TMEM269: variants seen among roughly 807,000 people sequenced by gnomAD.
TMEM269 encodes the protein transmembrane protein 269.
TMEM269 carries 12 observed loss-of-function variants against 15.8 expected under a neutral mutation model. That is an observed-to-expected ratio of 0.76 (90% CI 0.49 to 1.23). The LOEUF is 1.23. Among genes scored for constraint, TMEM269 ranks in the 50% most tolerant of loss-of-function variants. The pLI, the probability that TMEM269 is intolerant of heterozygous loss-of-function variation, is 0.00. For synonymous variants in TMEM269, 93 were observed against 99.3 expected, an observed-to-expected ratio of 0.94 and a Z score of 0.38; for missense variants, 211 against 245.4, an observed-to-expected ratio of 0.86 and a Z score of 0.94.
intron 5 of TMEM269, among the ~76,000 whole-genome samples, chr1:42,794,931 G>A (rs577815204): frequency 1.3e-5 from 2 of 152,246 alleles, no homozygotes; most frequent in East Asian, 3.9e-4. Flanking sequence ...CGTGTGCCAG[G>A]TACTGGAAAT....
intron 5 of TMEM269, among the ~76,000 whole-genome samples, chr1:42,794,899 T>C (rs941429104): frequency 2.0e-5 from 3 of 152,142 alleles, no homozygotes; most frequent in Admixed American, 6.5e-5. Context: ...ATAAGTTCAA[T>C]AGAGATTTAG....
rs1653760032 is a variant in TMEM269, at chr1:42,794,584, AG to A, written c.456del (p.Asn153ThrfsTer8). 11 of 1,550,796 alleles carry A rather than the reference AG, an allele frequency of 7.1e-6. No homozygotes were observed. The highest frequency in any genetic ancestry group is 1.4e-5 in the African/African-American group (1 of 73,040). On this transcript the variant is annotated frameshift_variant, in exon 5 of 6. Transcript: ENST00000637012. LOFTEE classifies it high-confidence loss of function. ...YYPYDKILES[E>X]NWKKLVYIGG... ...CCATATGACAAAATCCTGGAGTCTG[AG>A]AACTGGAAAAAATTGGTTTATATAG...
intron 5 of TMEM269, among the ~76,000 whole-genome samples, chr1:42,796,009 C>T (rs1570507382): frequency 6.6e-6 from 1 of 152,152 alleles, no homozygotes; most frequent in Non-Finnish European, 1.5e-5. Context: ...AGACCTGAGC[C>T]CAAGCTCTAA....
At chr1:42,785,305 G>A (rs1183866507) in intron 1 of TMEM269, among the ~76,000 whole-genome samples, 3 of 152,196 alleles carry the variant, frequency 2.0e-5, no homozygotes, top group Non-Finnish European at 4.4e-5. Context: ...GGGAGGGGAG[G>A]GGGTCTGTAA....
At chr1:42,790,600 T>C (rs1653667275) in intron 2 of TMEM269, among the ~76,000 whole-genome samples, 1 of 150,880 alleles carries the variant, frequency 6.6e-6, no homozygotes, top group African/African-American at 2.4e-5. Context: ...AAGAAACTTT[T>C]TTTTTTTTTT....
chr1:42,789,935 G>A lies in TMEM269; in HGVS notation c.41+1G>A. Reference sequence around the variant, plus strand: ...TCTCCATCATCTTCAGCTTCAGCAGGTAGGTCTGGGGCCCAGCAAGCTCTT... The same window carrying A: ...TCTCCATCATCTTCAGCTTCAGCAGATAGGTCTGGGGCCCAGCAAGCTCTT... On this transcript the variant is annotated splice_donor_variant, in intron 2 of 5. Transcript: ENST00000637012. LOFTEE classifies it high-confidence loss of function. The A allele has an allele frequency of 6.5e-7, 1 of 1,549,532 alleles. No individual in the cohort carries two copies. The highest frequency in any genetic ancestry group is 1.2e-5 in the South Asian group (1 of 84,034).
chr1:42,794,238 T>A (rs1351573133), intron 4 of TMEM269, among the ~76,000 whole-genome samples, 175 bp from the exon 5 acceptor site: 5 of 152,148 alleles, frequency 3.3e-5, no homozygotes, highest in Non-Finnish European at 7.4e-5. Flanking sequence ...GGAAAACCAA[T>A]GTAAAACCCA....
rs1653510979 is a variant in TMEM269 at position 42,785,008 on chromosome 1, C to G, written c.-173C>G. 6.6e-6 allele frequency: 1 copy of G among 152,594 alleles called. No homozygotes were observed. Among genetic ancestry groups the G allele is most frequent in the South Asian group, 2.1e-4 (1 of 4,844 alleles). The allele number at this position is 152,594 out of a possible 1,614,324, so 9.5% of individuals were successfully genotyped here. ...TCCTCGCTAGGGCTGGCCCCCTCCACCGCACAGGAAACGGGGCAGGAGGGC... is the reference window on the plus strand; with the variant it reads ...TCCTCGCTAGGGCTGGCCCCCTCCAGCGCACAGGAAACGGGGCAGGAGGGC... On this transcript the variant is annotated 5_prime_UTR_variant, in exon 1 of 6. Transcript: ENST00000637012.
chr1:42,798,743 T>TG lies in TMEM269; in HGVS notation c.*518_*519insG, dbSNP rs967801525. ...CTTCAACATTCTGGGTTTTTTTTTT[T>TG]TTTTTTTTTTTTTTTTTGAGAAGGA... On this transcript the variant is annotated 3_prime_UTR_variant, in exon 6 of 6. Coordinates refer to ENST00000637012, the MANE Select transcript of TMEM269 (RefSeq NM_001354602.2). 1 of 134,956 alleles carries TG rather than the reference T, an allele frequency of 7.4e-6. No homozygotes were observed. The highest frequency in any genetic ancestry group is 1.6e-5 in the Non-Finnish European group (1 of 62,622). 8.4% of individuals were successfully genotyped at this position (134,956 alleles called of 1,614,324 possible).
Position 42,798,437 on chromosome 1 carries a change from T to A in TMEM269, c.*212T>A, listed in dbSNP as rs1653826323. The A allele has an allele frequency of 1.7e-6, 1 of 594,958 alleles. No homozygotes were observed. Among genetic ancestry groups the A allele is most frequent in the South Asian group, 2.2e-5 (1 of 46,024 alleles). 36.9% of individuals were successfully genotyped at this position (594,958 alleles called of 1,614,324 possible). A position where few individuals can be genotyped will look rare whatever the true frequency, so the allele number is the denominator to read the frequency against. On this transcript the variant is annotated 3_prime_UTR_variant, in exon 6 of 6. Coordinates refer to ENST00000637012, the MANE Select transcript of TMEM269 (RefSeq NM_001354602.2). ...AGGGTTCTGACTCCCTTGCGGACAA[T>A]ACTTGTTTATGTCATGTAGAGCAGA...
At chr1:42,787,606 C>CAA (rs56184198) in intron 1 of TMEM269, among the ~76,000 whole-genome samples, 39 of 57,542 alleles carry the variant, frequency 6.8e-4, no homozygotes, top group African/African-American at 1.1e-3. Flanking sequence ...GACTCCGTCT[C>CAA]AAAAAAAAAA....
intron 5 of TMEM269, among the ~76,000 whole-genome samples, chr1:42,794,856 C>T (rs937745508): frequency 2.2e-4 from 33 of 152,228 alleles, no homozygotes; most frequent in Middle Eastern, 3.4e-3. Flanking sequence ...TCAGTCACAT[C>T]GTAGGTGCTC....
chr1:42,790,596 CTTTT>C (rs34731755), intron 2 of TMEM269, among the ~76,000 whole-genome samples: 1 of 136,950 alleles, frequency 7.3e-6, no homozygotes. Flanking sequence ...TTTTAAGAAA[CTTTT>C]TTTTTTTTTT....
At chr1:42,789,559 T>C in intron 1 of TMEM269, 1 of 1,464,120 alleles carries the variant, frequency 6.8e-7, no homozygotes, top group Non-Finnish European at 9.2e-7. Context: ...GAAACTATGC[T>C]TGTGTTGGTT....
chr1:42,792,250 G>A (rs1390303132), intron 2 of TMEM269, among the ~76,000 whole-genome samples: 3 of 152,100 alleles, frequency 2.0e-5, no homozygotes, highest in Admixed American at 1.3e-4. Flanking sequence ...ACAACTCTAC[G>A]CCCACAAATT....
chr1:42,793,447 G>A (rs748242114), intron 3 of TMEM269, among the ~76,000 whole-genome samples, 154 bp from the exon 4 acceptor site: 6 of 152,164 alleles, frequency 3.9e-5, no homozygotes, highest in Non-Finnish European at 7.3e-5. Flanking sequence ...AGGAGATCCC[G>A]AGCTTTGATC....
intron 1 of TMEM269, among the ~76,000 whole-genome samples, chr1:42,785,939 T>C (rs1045367969): frequency 1.3e-5 from 2 of 152,216 alleles, no homozygotes; most frequent in Admixed American, 1.3e-4. Context: ...TACCAGACTC[T>C]GAGCTGCTGG....
At position 42,789,206 on chromosome 1, in the gene TMEM269, A is replaced by G. The variant is rs1182709750; in HGVS notation, c.-98-590A>G. On this transcript the variant is annotated intron_variant, in intron 1 of 5. Transcript: ENST00000637012. The stretch of plus-strand genomic sequence containing the variant: ...CCAAAGTGCTGGGATTACAGGCATG[A>G]GCCACCGTGTCCGGCTACACATTCA... The G allele has an allele frequency of 3.1e-5, 17 of 551,954 alleles. No homozygotes were observed. In the East Asian group the frequency reaches 5.0e-4, roughly 16 times the overall value. 34.2% of individuals were successfully genotyped at this position (551,954 alleles called of 1,614,324 possible).
At chr1:42,794,309 A>G in intron 4 of TMEM269, 104 bp from the exon 5 acceptor site, 1 of 795,500 alleles carries the variant, frequency 1.3e-6, no homozygotes, top group Non-Finnish European at 2.0e-6. Context: ...TTAAGGGAAT[A>G]TTGTATCCTG....
Sources: allele counts gnomAD v4.1 joint callset (sites outside exome capture counted in the v4.1 genomes callset), GRCh38; gene constraint gnomAD v4.1.1; transcripts MANE v1.5; gene names NCBI Gene and HGNC (gene_info 2026-07-23, HGNC 2026-07-21).